CSMD1: variants seen among roughly 807,000 people sequenced by gnomAD.
The protein encoded by CSMD1 is CUB and sushi domain-containing protein 1.
In CSMD1, 213 loss-of-function variants were observed where a neutral mutation model predicts 417.5. The ratio of observed to expected loss-of-function variants is 0.51; its 90% confidence interval spans 0.46 to 0.57. CSMD1 has a LOEUF of 0.57. Among genes scored for constraint, CSMD1 ranks in the 20% least tolerant of loss-of-function variants. CSMD1 has a pLI of 0.00. For synonymous variants in CSMD1, 2,862 were observed against 1,736.8 expected (o/e 1.65, Z -16.11); for missense variants, 6,923 against 4,529.7 (o/e 1.53, Z -15.17).
chr8:4,017,282 A>T (rs57336653), intron 4 of CSMD1, among the ~76,000 whole-genome samples: 2 of 152,134 alleles, frequency 1.3e-5, no homozygotes, highest in South Asian at 2.1e-4. Context: ...CATCATTTCT[A>T]ATATCAAATG....
At chr8:3,047,776 C>T (rs1208619200) in intron 50 of CSMD1, among the ~76,000 whole-genome samples, 1 of 152,184 alleles carries the variant, frequency 6.6e-6, no homozygotes, top group Non-Finnish European at 1.5e-5. Flanking sequence ...AAACTACTTG[C>T]ATGGACATTC....
At chr8:3,436,327 G>A (rs1050853204) in intron 12 of CSMD1, among the ~76,000 whole-genome samples, 3 of 152,168 alleles carry the variant, frequency 2.0e-5, no homozygotes, top group African/African-American at 7.2e-5. Flanking sequence ...CCATGCCTTA[G>A]AAGCCATGAG....
chr8:4,450,111 C>G (rs969492788), intron 2 of CSMD1, among the ~76,000 whole-genome samples: 1 of 152,170 alleles, frequency 6.6e-6, no homozygotes, highest in East Asian at 1.9e-4. Flanking sequence ...ATCCTGTACA[C>G]CAGCACTTCT....
intron 3 of CSMD1, among the ~76,000 whole-genome samples, chr8:4,203,684 G>A (rs568076874): frequency 1.3e-5 from 2 of 152,030 alleles, no homozygotes; most frequent in South Asian, 2.1e-4. Flanking sequence ...TTTGTAAGTA[G>A]GGATCACACA....
At chr8:4,040,397 G>A (rs750741950) in intron 3 of CSMD1, among the ~76,000 whole-genome samples, 1 of 152,160 alleles carries the variant, frequency 6.6e-6, no homozygotes, top group Admixed American at 6.5e-5. Flanking sequence ...ATGCTGCAGG[G>A]AGATCAAGTA....
At chr8:3,757,411 T>C (rs1332348871) in intron 5 of CSMD1, among the ~76,000 whole-genome samples, 4 of 152,156 alleles carry the variant, frequency 2.6e-5, no homozygotes, top group African/African-American at 9.7e-5. Context: ...GACACTGAGA[T>C]TTTAATTTTT....
chr8:3,885,377 G>C lies in CSMD1; in HGVS notation c.818+112526C>G, dbSNP rs141965415. On this transcript the variant is annotated intron_variant, in intron 5 of 69. Transcript: ENST00000635120. ...TAAACGGTTAAACGAAAATATAAAA[G>C]CTTGAAGCTGCCAATGGAGTAGTTA... 1.8e-4 allele frequency among the ~76,000 whole-genome samples: 27 copies of C among 152,262 alleles called. No homozygotes were observed. The East Asian group carries it at 4.6e-3, about 26-fold the overall frequency.
chr8:4,559,943 C>T (rs952356613), intron 2 of CSMD1, among the ~76,000 whole-genome samples: 1 of 152,216 alleles, frequency 6.6e-6, no homozygotes, highest in Admixed American at 6.5e-5. Context: ...AAAACACCAG[C>T]CATCCCTGTA....
At chr8:3,912,649 G>C (rs1808538711) in intron 5 of CSMD1, among the ~76,000 whole-genome samples, 4 of 152,124 alleles carry the variant, frequency 2.6e-5, no homozygotes, top group Non-Finnish European at 5.9e-5. Context: ...GCGTCCTCAA[G>C]TGGAAAAAAG....
intron 23 of CSMD1, among the ~76,000 whole-genome samples, chr8:3,331,685 G>A (rs1048677823): frequency 5.3e-5 from 8 of 152,114 alleles, no homozygotes; most frequent in African/African-American, 1.9e-4. Context: ...TTTTACCATG[G>A]CCCCCAAAGA....
At chr8:3,642,785 G>A (rs146540124) in intron 7 of CSMD1, among the ~76,000 whole-genome samples, 215 of 152,146 alleles carry the variant, frequency 1.4e-3, no homozygotes, top group African/African-American at 4.9e-3. Context: ...TTCATGCAGA[G>A]TATGTATATG....
chr8:3,476,059 A>G (rs1053383007), intron 11 of CSMD1, among the ~76,000 whole-genome samples: 1 of 152,196 alleles, frequency 6.6e-6, no homozygotes, highest in Non-Finnish European at 1.5e-5. Context: ...ACATGTGTTA[A>G]GGGCTGGAGG....
At chr8:4,305,254 G>A (rs759353745) in intron 3 of CSMD1, among the ~76,000 whole-genome samples, 3 of 152,152 alleles carry the variant, frequency 2.0e-5, no homozygotes, top group Non-Finnish European at 2.9e-5. Flanking sequence ...TAGCTAAATC[G>A]GCCATTTCCA....
chr8:3,549,621 G>A (rs190166200), intron 10 of CSMD1, among the ~76,000 whole-genome samples: 1 of 152,154 alleles, frequency 6.6e-6, no homozygotes, highest in Admixed American at 6.5e-5. Context: ...TTAAAAACAG[G>A]AGGAGAAACC....
Position 3,421,947 on chromosome 8 carries a change from G to T in CSMD1, c.1562-12342C>A, listed in dbSNP as rs368411916. Among the ~76,000 whole-genome samples the T allele has an allele frequency of 6.0e-3, 906 of 150,182 alleles. 16 individuals carry two copies. The highest frequency in any genetic ancestry group is 0.021 in the African/African-American group (858 of 40,276). ...GCCACGGCGCCCGGCCCCACAGATG[G>T]CTTAGAGTATTAGCCACCACAACCG... On this transcript the variant is annotated intron_variant, in intron 12 of 69. Coordinates refer to ENST00000635120, the MANE Select transcript of CSMD1 (RefSeq NM_033225.6).
At chr8:4,431,155 C>G (rs529709375) in intron 2 of CSMD1, among the ~76,000 whole-genome samples, 2 of 152,082 alleles carry the variant, frequency 1.3e-5, no homozygotes, top group South Asian at 2.1e-4. Context: ...ATGATTTGCT[C>G]AAAGGCAAGG....
At chr8:3,626,567 T>C (rs1388923932) in intron 7 of CSMD1, among the ~76,000 whole-genome samples, 1 of 151,658 alleles carries the variant, frequency 6.6e-6, no homozygotes, top group East Asian at 1.9e-4. Context: ...CTTCAAGTTT[T>C]ATTTGTCATT....
At chr8:3,635,276 C>G (rs547075311) in intron 7 of CSMD1, among the ~76,000 whole-genome samples, 1 of 152,068 alleles carries the variant, frequency 6.6e-6, no homozygotes, top group African/African-American at 2.4e-5. Context: ...GTGTTCAAGA[C>G]CAGCCCGGCC....
At chr8:4,842,074 G>A (rs10503285) in intron 1 of CSMD1, among the ~76,000 whole-genome samples, 6 of 152,032 alleles carry the variant, frequency 3.9e-5, no homozygotes, top group Non-Finnish European at 5.9e-5. Flanking sequence ...TTTCCTGGAC[G>A]TCACCTATGT....
Sources: allele counts gnomAD v4.1 joint callset (sites outside exome capture counted in the v4.1 genomes callset), GRCh38; gene constraint gnomAD v4.1.1; transcripts MANE v1.5; gene names NCBI Gene and HGNC (gene_info 2026-07-23, HGNC 2026-07-21).